The following FAF2 variants were observed in gnomAD, a reference collection of about 807,000 sequenced individuals.
FAF2 encodes the protein Fas associated factor family member 2, also known as FAS-associated factor 2.
A neutral mutation model predicts 62.3 loss-of-function variants in FAF2; 9 were observed. The ratio of observed to expected loss-of-function variants is 0.14; its 90% CI spans 0.09 to 0.25. The LOEUF is 0.25. FAF2 is among the 10% of genes least tolerant of loss of function. The pLI is 1.00. For synonymous variants in FAF2, 202 were observed against 198.0 expected (o/e 1.02, Z -0.17); for missense variants, 368 against 556.2 (o/e 0.66, Z 3.40).
chr5:176,485,972 G>C (rs1758867946), intron 2 of FAF2, among the ~76,000 whole-genome samples: 1 of 152,226 alleles, frequency 6.6e-6, no homozygotes, highest in Non-Finnish European at 1.5e-5. Flanking sequence ...CATCAGGACT[G>C]CTTCACTGCA....
intron 1 of FAF2, among the ~76,000 whole-genome samples, chr5:176,472,099 A>AG (rs1263818247): frequency 6.6e-6 from 1 of 152,066 alleles, no homozygotes; most frequent in African/African-American, 2.4e-5. Flanking sequence ...TGGAGGGTCC[A>AG]GACATCTGTA....
chr5:176,477,777 A>G (rs1481944658), intron 1 of FAF2, among the ~76,000 whole-genome samples: 1 of 152,200 alleles, frequency 6.6e-6, no homozygotes, highest in African/African-American at 2.4e-5. Context: ...CATTGCACAT[A>G]AAGGAAACTA....
At position 176,508,425 on chromosome 5, in the gene FAF2, C is replaced by T; in HGVS notation, c.*1475C>T. The stretch of plus-strand genomic sequence containing the variant: ...TCAGATCAACATAAAGCCTAACTTG[C>T]TGGAGTTGTAGTCTCAAGGCTTTCT... On this transcript the variant is annotated 3_prime_UTR_variant, in exon 11 of 11. Coordinates refer to ENST00000261942, the MANE Select transcript of FAF2 (RefSeq NM_014613.3). The T allele has an allele frequency of 6.6e-6, 1 of 152,192 alleles. No homozygotes were observed. The allele number at this position is 152,192 out of a possible 1,614,324, so 9.4% of individuals were successfully genotyped here.
At chr5:176,459,347 C>T (rs1758335101) in intron 1 of FAF2, among the ~76,000 whole-genome samples, 1 of 150,572 alleles carries the variant, frequency 6.6e-6, no homozygotes, top group South Asian at 2.1e-4. Context: ...CAGCTCCAAC[C>T]TCCTGGGCTC....
intron 1 of FAF2, among the ~76,000 whole-genome samples, chr5:176,458,003 T>C (rs1232984534): frequency 6.6e-6 from 1 of 152,222 alleles, no homozygotes; most frequent in African/African-American, 2.4e-5. Flanking sequence ...GTAGCCCACA[T>C]TTAAAGTCTT....
intron 1 of FAF2, among the ~76,000 whole-genome samples, chr5:176,451,064 C>A (rs1581465195): frequency 6.6e-6 from 1 of 152,162 alleles, no homozygotes; most frequent in Non-Finnish European, 1.5e-5. Flanking sequence ...TGTACATTAA[C>A]TCTTTTTTTA....
At chr5:176,473,525 G>A (rs1437311692) in intron 1 of FAF2, among the ~76,000 whole-genome samples, 2 of 152,098 alleles carry the variant, frequency 1.3e-5, no homozygotes, top group African/African-American at 4.8e-5. Flanking sequence ...TTTCCGTTCT[G>A]TACTCTTTGG....
chr5:176,468,038 A>C (rs1758503125), intron 1 of FAF2, among the ~76,000 whole-genome samples: 1 of 152,108 alleles, frequency 6.6e-6, no homozygotes, highest in South Asian at 2.1e-4. Flanking sequence ...GTTGGTGGGC[A>C]CTTACAATCC....
intron 4 of FAF2, among the ~76,000 whole-genome samples, chr5:176,489,405 C>A (rs1334686275): frequency 6.6e-6 from 1 of 151,922 alleles, no homozygotes; most frequent in African/African-American, 2.4e-5. Context: ...TCTTCCTCAA[C>A]TACTTCTCCT....
At chr5:176,462,212 G>T (rs1016437970) in intron 1 of FAF2, among the ~76,000 whole-genome samples, 26 of 151,974 alleles carry the variant, frequency 1.7e-4, no homozygotes, top group Non-Finnish European at 1.5e-5. Context: ...AGAGACAGAG[G>T]TTGCAATGAG....
chr5:176,477,125 T>A (rs935702645), intron 1 of FAF2, among the ~76,000 whole-genome samples: 1 of 127,894 alleles, frequency 7.8e-6, no homozygotes, highest in African/African-American at 3.1e-5. Context: ...TTTTTTTTTT[T>A]AAGTTGAGGC....
In FAF2 at chr5:176,498,793, G is replaced by A. The variant is rs754125216; in HGVS notation, c.840-121G>A. The A allele has an allele frequency of 1.3e-4, 123 of 921,588 alleles. 1 individual carries two copies. Among genetic ancestry groups the A allele is most frequent in the Admixed American group, 9.2e-4 (25 of 27,172 alleles). The allele number at this position is 921,588 out of a possible 1,614,324, so 57.1% of individuals were successfully genotyped here. On this transcript the variant is annotated intron_variant, in intron 8 of 10. Coordinates refer to ENST00000261942, the MANE Select transcript of FAF2 (RefSeq NM_014613.3). The stretch of plus-strand genomic sequence containing the variant: ...GAATCCCTTATGGCAGTGTGAAATC[G>A]TCATCTGCTAAGAATATCAACATTT...
intron 1 of FAF2, among the ~76,000 whole-genome samples, chr5:176,460,491 T>G (rs1758358082): frequency 6.6e-6 from 1 of 151,424 alleles, no homozygotes; most frequent in South Asian, 2.1e-4. Flanking sequence ...TAATGAGCAG[T>G]GATGTTGACT....
intron 1 of FAF2, among the ~76,000 whole-genome samples, chr5:176,460,520 G>GTC (rs1758359987): frequency 1.4e-5 from 2 of 142,354 alleles, no homozygotes; most frequent in Non-Finnish European, 1.5e-5. Context: ...CCGCGTGTGT[G>GTC]TGTGTGTGTG....
chr5:176,496,302 G>C (rs1421581842), intron 7 of FAF2, among the ~76,000 whole-genome samples, 184 bp from the exon 8 acceptor site: 1 of 152,184 alleles, frequency 6.6e-6, no homozygotes, highest in African/African-American at 2.4e-5. Context: ...AACATAGTGA[G>C]ACCCTGGCTC....
At chr5:176,450,521 T>G (rs1272087856) in intron 1 of FAF2, among the ~76,000 whole-genome samples, 1 of 152,072 alleles carries the variant, frequency 6.6e-6, no homozygotes, top group Non-Finnish European at 1.5e-5. Flanking sequence ...TGAAGTAAAG[T>G]GCATAGGAAC....
intron 1 of FAF2, among the ~76,000 whole-genome samples, chr5:176,466,893 C>T (rs1411519864): frequency 1.3e-5 from 2 of 152,198 alleles, no homozygotes; most frequent in East Asian, 1.9e-4. Flanking sequence ...GGGGTTCAGT[C>T]TCTAGTAAGA....
intron 10 of FAF2, among the ~76,000 whole-genome samples, chr5:176,501,335 G>A (rs186208593): frequency 6.1e-4 from 93 of 152,264 alleles, no homozygotes; most frequent in Middle Eastern, 3.4e-3. Context: ...TTCCCTGATC[G>A]CTCAGAATAA....
chr5:176,489,907 T>A (rs189002640), intron 4 of FAF2, among the ~76,000 whole-genome samples: 29 of 152,314 alleles, frequency 1.9e-4, no homozygotes, highest in African/African-American at 7.0e-4. Flanking sequence ...GGAACCCTTT[T>A]ATGTATATAC....
Sources: allele counts gnomAD v4.1 joint callset (sites outside exome capture counted in the v4.1 genomes callset), GRCh38; gene constraint gnomAD v4.1.1; transcripts MANE v1.5; gene names NCBI Gene and HGNC (gene_info 2026-07-23, HGNC 2026-07-21).